The following PCSK2 variants were observed in gnomAD, a reference collection of about 807,000 sequenced individuals.
PCSK2 encodes the protein neuroendocrine convertase 2.
Under a neutral mutation model 69.7 loss-of-function variants are expected in PCSK2, and 14 were observed. That is an observed-to-expected ratio of 0.20 (90% confidence interval 0.13 to 0.31). The LOEUF is 0.31. PCSK2 is among the 10% of genes least tolerant of loss of function. The pLI is 1.00. For synonymous variants in PCSK2, 307 were observed against 320.7 expected (o/e 0.96, Z 0.46); for missense variants, 544 against 842.5 (o/e 0.65, Z 4.39).
At chr20:17,319,681 G>A (rs886120426) in intron 2 of PCSK2, among the ~76,000 whole-genome samples, 1 of 152,104 alleles carries the variant, frequency 6.6e-6, no homozygotes, top group African/African-American at 2.4e-5. Context: ...GGTGAACACT[G>A]GGAGGGGGGT....
intron 2 of PCSK2, among the ~76,000 whole-genome samples, chr20:17,348,811 C>T (rs2029888453): frequency 6.6e-6 from 1 of 152,050 alleles, no homozygotes; most frequent in Non-Finnish European, 1.5e-5. Context: ...GAGACCCCAC[C>T]CTAATGGCTT....
At chr20:17,289,527 T>C (rs1338402414) in intron 2 of PCSK2, among the ~76,000 whole-genome samples, 1 of 152,188 alleles carries the variant, frequency 6.6e-6, no homozygotes, top group Non-Finnish European at 1.5e-5. Flanking sequence ...TTTTAAAAAC[T>C]GAAAATAGTA....
At chr20:17,303,520 T>TA in intron 2 of PCSK2, among the ~76,000 whole-genome samples, 1 of 56,654 alleles carries the variant, frequency 1.8e-5, no homozygotes, top group South Asian at 4.5e-4. Flanking sequence ...ATATATAATA[T>TA]AATATATATT....
chr20:17,289,967 T>C (rs931127493), intron 2 of PCSK2, among the ~76,000 whole-genome samples: 3 of 152,262 alleles, frequency 2.0e-5, no homozygotes, highest in African/African-American at 7.2e-5. Context: ...TTTCTAGAAG[T>C]AGAATTGGTG....
intron 6 of PCSK2, among the ~76,000 whole-genome samples, chr20:17,413,764 T>C (rs1474284786): frequency 6.6e-6 from 1 of 152,148 alleles, no homozygotes; most frequent in Non-Finnish European, 1.5e-5. Flanking sequence ...TATTCCAAAA[T>C]TGACCGCATA....
chr20:17,227,130 A>T lies in PCSK2; in HGVS notation c.-176A>T. 1.7e-6 allele frequency: 1 copy of T among 573,850 alleles called. No homozygotes were observed. The highest frequency in any genetic ancestry group is 3.1e-5 in the Admixed American group (1 of 32,252). The allele number at this position is 573,850 out of a possible 1,614,324, so 35.5% of individuals were successfully genotyped here. A position where few individuals can be genotyped will look rare whatever the true frequency, so the allele number is the denominator to read the frequency against. On this transcript the variant is annotated 5_prime_UTR_variant, in exon 1 of 12. The change abolishes an upstream ATG in the 5' untranslated region. Coordinates refer to ENST00000262545, the MANE Select transcript of PCSK2 (RefSeq NM_002594.5). ...ACTGCACGGCTTCCCCTCCAGCCAG[A>T]TGCTGGAGAACACACACTGATTCGC...
intron 1 of PCSK2, among the ~76,000 whole-genome samples, chr20:17,238,749 C>T (rs571401394): frequency 5.3e-4 from 80 of 152,162 alleles, no homozygotes; most frequent in African/African-American, 1.8e-3. Flanking sequence ...CCATTTTACC[C>T]GTAGAATTTT....
chr20:17,398,398 C>A lies in PCSK2; in HGVS notation c.544-10865C>A, dbSNP rs1398030238. Among the ~76,000 whole-genome samples, 4 of 151,900 alleles carry A rather than the reference C, an allele frequency of 2.6e-5. No individual in the cohort carries two copies. In the East Asian group the frequency reaches 7.8e-4, roughly 29 times the overall value. On this transcript the variant is annotated intron_variant, in intron 5 of 11. Coordinates refer to ENST00000262545, the MANE Select transcript of PCSK2 (RefSeq NM_002594.5). Reference sequence around the variant, plus strand: ...AATTAGCCAGGCATGATGGCACACGCCTGTAGTTTCAGCTACTCTGGAGAC... The same window carrying A: ...AATTAGCCAGGCATGATGGCACACGACTGTAGTTTCAGCTACTCTGGAGAC...
chr20:17,388,130 A>G (rs1259594435), intron 5 of PCSK2, among the ~76,000 whole-genome samples: 2 of 152,174 alleles, frequency 1.3e-5, no homozygotes, highest in African/African-American at 2.4e-5. Flanking sequence ...GCTGGGGGAA[A>G]GAAGTATATC....
chr20:17,427,046 G>C (rs991672557), intron 6 of PCSK2, among the ~76,000 whole-genome samples: 12 of 152,204 alleles, frequency 7.9e-5, no homozygotes, highest in Non-Finnish European at 1.5e-4. Context: ...CAGCAGACCT[G>C]AGTTTGAATT....
At chr20:17,232,040 T>G (rs1986159928) in intron 1 of PCSK2, among the ~76,000 whole-genome samples, 1 of 152,226 alleles carries the variant, frequency 6.6e-6, no homozygotes, top group African/African-American at 2.4e-5. Context: ...GTTCTTCTGA[T>G]GAACTCAGAG....
chr20:17,311,792 A>G (rs1442399780), intron 2 of PCSK2, among the ~76,000 whole-genome samples: 2 of 152,148 alleles, frequency 1.3e-5, no homozygotes, highest in East Asian at 1.9e-4. Flanking sequence ...ACATCAAACA[A>G]TGGCTGCAAA....
chr20:17,354,992 A>G (rs1388626217), intron 2 of PCSK2, among the ~76,000 whole-genome samples: 3 of 152,224 alleles, frequency 2.0e-5, no homozygotes, highest in African/African-American at 4.8e-5. Context: ...ACTGTGGACA[A>G]GAAGATAAAC....
chr20:17,227,341 C>G lies in PCSK2; in HGVS notation c.36C>G (p.Ala12=), dbSNP rs754070246. The change falls in exon 1 of 12, where the codon GCC becomes GCG. Residue 12 remains alanine (A), a synonymous_variant. Coordinates refer to ENST00000262545, the MANE Select transcript of PCSK2 (RefSeq NM_002594.5). ...GTTGTGTCTCCCAGTGGAAGGCGGC[C>G]GCCGGGTTCCTCTTCTGTGTCATGG... ...KGGCVSQWKA[A]AGFLFCVMVF... is the part of the protein sequence containing the mutation. The G allele has an allele frequency of 1.2e-6, 2 of 1,613,892 alleles. No individual in the cohort carries two copies. The highest frequency in any genetic ancestry group is 1.7e-6 in the Non-Finnish European group (2 of 1,179,960).
At chr20:17,447,270 C>CA (rs386393432) in intron 8 of PCSK2, among the ~76,000 whole-genome samples, 2,465 of 127,620 alleles carry the variant, frequency 0.019, 39 homozygotes, top group Non-Finnish European at 0.026. Flanking sequence ...TACTCTGTCT[C>CA]AAAAAAAAAA....
At chr20:17,313,633 C>T (rs1989585612) in intron 2 of PCSK2, among the ~76,000 whole-genome samples, 1 of 152,088 alleles carries the variant, frequency 6.6e-6, no homozygotes, top group Non-Finnish European at 1.5e-5. Flanking sequence ...GGGCAGAGGC[C>T]TCCAAAGTTG....
intron 1 of PCSK2, among the ~76,000 whole-genome samples, chr20:17,251,405 T>TCA (rs1314599840): frequency 6.6e-6 from 1 of 152,194 alleles, no homozygotes; most frequent in Non-Finnish European, 1.5e-5. Context: ...AGGAACTAAA[T>TCA]CACAAAAGCT....
chr20:17,287,497 A>G (rs963703430), intron 2 of PCSK2, among the ~76,000 whole-genome samples: 1 of 151,856 alleles, frequency 6.6e-6, no homozygotes, highest in Admixed American at 6.6e-5. Flanking sequence ...AATGATACAA[A>G]TGAAGCTGAG....
chr20:17,406,909 G>A (rs910172849), intron 5 of PCSK2, among the ~76,000 whole-genome samples: 2 of 151,994 alleles, frequency 1.3e-5, no homozygotes, highest in East Asian at 1.9e-4. Context: ...AGAGGGAGAC[G>A]GGGACCTAGT....
Sources: gnomAD v4.1 joint callset for allele counts (sites outside exome capture counted in the v4.1 genomes callset) on GRCh38, gnomAD v4.1.1 for gene constraint, MANE v1.5 for transcripts, NCBI Gene and HGNC (gene_info 2026-07-23, HGNC 2026-07-21) for gene names.